The following GGA2 variants were observed in gnomAD, a reference collection of about 807,000 sequenced individuals.
The protein encoded by GGA2 is ADP-ribosylation factor-binding protein GGA2.
A neutral mutation model predicts 79.5 loss-of-function variants in GGA2; 48 were observed. That is an observed-to-expected ratio of 0.60 (90% confidence interval 0.48 to 0.77). The LOEUF (loss-of-function observed/expected upper bound fraction) is 0.77, where lower values mean the gene tolerates loss of function less well. GGA2 is among the 30% of genes least tolerant of loss of function. The pLI is 0.00. For synonymous variants in GGA2, 317 were observed against 302.0 expected (o/e 1.05, Z -0.51); for missense variants, 770 against 774.0 (o/e 0.99, Z 0.06).
intron 1 of GGA2, among the ~76,000 whole-genome samples, chr16:23,506,716 C>T (rs1460621446): frequency 1.3e-5 from 2 of 152,216 alleles, no homozygotes; most frequent in Non-Finnish European, 2.9e-5. Flanking sequence ...CGGTTTGCCT[C>T]ACCAGCCACT....
intron 13 of GGA2, among the ~76,000 whole-genome samples, chr16:23,476,839 A>AC (rs1964581717): frequency 6.6e-6 from 1 of 152,218 alleles, no homozygotes. Context: ...AACGGCAAAA[A>AC]CCTCATGTTC....
chr16:23,486,379 G>A (rs892538488), intron 7 of GGA2, among the ~76,000 whole-genome samples: 2 of 152,220 alleles, frequency 1.3e-5, no homozygotes, highest in Admixed American at 6.5e-5. Context: ...CTGCCTTTGT[G>A]CCACCAGCCT....
chr16:23,507,563 C>T lies in GGA2; in HGVS notation c.91+2758G>A, dbSNP rs1029198038. ...GAATTGCTTGAACCTGGGAGGCGGA[C>T]GTTGCAGTGAGCTGAGATCGTGCCA... On this transcript the variant is annotated intron_variant, in intron 1 of 16. Transcript: ENST00000309859. Among the ~76,000 whole-genome samples, 9 of 146,880 alleles carry T rather than the reference C, an allele frequency of 6.1e-5. No homozygotes were observed. The East Asian group carries it at 1.2e-3, about 20-fold the overall frequency.
chr16:23,524,035 T>C, upstream of GGA2: 2 of 236,582 alleles, frequency 8.5e-6, no homozygotes, highest in Admixed American at 5.3e-5. Context: ...ATGGGGGCCC[T>C]AGCAAACTGA....
Position 23,495,798 on chromosome 16 carries a change from G to C in GGA2, c.92-20C>G, listed in dbSNP as rs987608546. On this transcript the variant is annotated intron_variant, in intron 1 of 16. Transcript: ENST00000309859. Reference sequence around the variant, plus strand: ...CTTTGTCTGTCAAATAAATAATAAAGTTAGAGAGTACATAATAGGAAGAAA... The same window carrying C: ...CTTTGTCTGTCAAATAAATAATAAACTTAGAGAGTACATAATAGGAAGAAA... 6.5e-6 allele frequency: 10 copies of C among 1,541,882 alleles called. No homozygotes were observed. The highest frequency in any genetic ancestry group is 9.0e-6 in the Non-Finnish European group (10 of 1,116,734).
chr16:23,480,720 T>C lies in GGA2; in HGVS notation c.931A>G (p.Lys311Glu). 5.6e-6 allele frequency: 9 copies of C among 1,613,454 alleles called. No individual in the cohort carries two copies. Among genetic ancestry groups the C allele is most frequent in the Non-Finnish European group, 7.6e-6 (9 of 1,179,328 alleles). ...GTGACCCGGCCCTCCATCACCTGTT[T>C]GTACAGCAGAACTCCTTGGGTGAGG... ...DLLTQGVLLY[K>E]QVMEGRVTFG... The change falls in exon 10 of 17, where the codon AAA becomes GAA. Residue 311 changes from lysine (K) to glutamate (E), a missense_variant. By Grantham distance (56) the Lys-to-Glu change is moderately conservative. Transcript: ENST00000309859.
chr16:23,479,646 T>C, intron 11 of GGA2, 119 bp downstream of exon 11: 2 of 1,185,298 alleles, frequency 1.7e-6, no homozygotes, highest in Non-Finnish European at 2.4e-6. Context: ...CAGCTCACTC[T>C]TCCTATTCAC....
chr16:23,517,186 A>C (rs1276656259), intron 2 of GGA2, among the ~76,000 whole-genome samples: 1 of 152,040 alleles, frequency 6.6e-6, no homozygotes, highest in African/African-American at 2.4e-5. Flanking sequence ...CCTCCCTAGT[A>C]GGTGGGACTA....
upstream of GGA2, chr16:23,524,112 T>G: frequency 1.8e-6 from 1 of 545,818 alleles, no homozygotes; most frequent in Non-Finnish European, 3.3e-6. Context: ...ACCTCTGCTG[T>G]GTAATGTGTG....
At position 23,474,926 on chromosome 16, in the gene GGA2, G is replaced by A; in HGVS notation, c.1428C>T (p.Val476=). 1.9e-6 allele frequency: 3 copies of A among 1,613,098 alleles called. No individual in the cohort carries two copies. The highest frequency in any genetic ancestry group is 2.5e-6 in the Non-Finnish European group (3 of 1,179,152). The change falls in exon 14 of 17, where the codon GTC becomes GTT. Residue 476 remains valine, a synonymous_variant. Transcript: ENST00000309859. ...SQNTPLAQVF[V]PLESVKPSSL... is the part of the protein sequence containing the mutation. ...TACTGGGCTTAACAGACTCCAAAGG[G>A]ACAAACACTTGAGCCAGAGGTGTAT...
chr16:23,508,316 T>C (rs1964998307), intron 1 of GGA2, among the ~76,000 whole-genome samples: 1 of 152,168 alleles, frequency 6.6e-6, no homozygotes, highest in Admixed American at 6.5e-5. Flanking sequence ...TTGGCCCACC[T>C]CAGCCTCCCA....
At chr16:23,521,241 T>C (rs1965139658) in intron 1 of GGA2, among the ~76,000 whole-genome samples, 1 of 152,208 alleles carries the variant, frequency 6.6e-6, no homozygotes. Flanking sequence ...TAACTACATC[T>C]TGCAAAACTG....
chr16:23,516,955 C>A (rs1474704663), intron 2 of GGA2, among the ~76,000 whole-genome samples: 1 of 150,502 alleles, frequency 6.6e-6, no homozygotes, highest in African/African-American at 2.5e-5. Context: ...ATGCTGTGGC[C>A]AGGAGGGTGG....
At chr16:23,473,588 A>G (rs1283008088) in intron 14 of GGA2, among the ~76,000 whole-genome samples, 2 of 151,992 alleles carry the variant, frequency 1.3e-5, no homozygotes, top group East Asian at 3.8e-4. Context: ...TTGGCCTCCC[A>G]AAGTGCTGGG....
intron 4 of GGA2, 109 bp from the exon 5 acceptor site, chr16:23,491,909 G>C (rs1159321547): frequency 7.2e-6 from 5 of 698,004 alleles, no homozygotes; most frequent in Non-Finnish European, 7.3e-6. Flanking sequence ...TCCCAGGCGC[G>C]GTATGAGTGT....
At chr16:23,496,443 CAG>C (rs1463380544) in intron 1 of GGA2, among the ~76,000 whole-genome samples, 4 of 151,948 alleles carry the variant, frequency 2.6e-5, no homozygotes. Context: ...CAAGCGGAGA[CAG>C]AAGAGAGGCC....
At chr16:23,492,492 C>T (rs145952886) in intron 4 of GGA2, among the ~76,000 whole-genome samples, 1 of 152,218 alleles carries the variant, frequency 6.6e-6, no homozygotes, top group East Asian at 1.9e-4. Flanking sequence ...ACAAAAAAAC[C>T]TCAGATGAAA....
rs191836922 is a variant in GGA2, at chr16:23,475,437, G to A, written c.1293-376C>T. Among the ~76,000 whole-genome samples the A allele has an allele frequency of 6.3e-3, 951 of 151,622 alleles. 15 individuals carry two copies. Among genetic ancestry groups the A allele is most frequent in the African/African-American group, 0.021 (881 of 41,380 alleles). ...ACTCTTGACCTCAGGTGATCCGTCC[G>A]CCTCGGCCTCCCAAAGTGCTGGGAT... is the stretch of plus-strand genomic sequence containing the variant. On this transcript the variant is annotated intron_variant, in intron 13 of 16. Coordinates refer to ENST00000309859, the MANE Select transcript of GGA2 (RefSeq NM_015044.4).
intron 6 of GGA2, 112 bp downstream of exon 6, chr16:23,488,494 G>T: frequency 1.3e-6 from 1 of 744,388 alleles, no homozygotes; most frequent in Non-Finnish European, 2.4e-6. Context: ...TGTCTGGAGA[G>T]GAGAACCCAT....
Sources: allele counts gnomAD v4.1 joint callset (sites outside exome capture counted in the v4.1 genomes callset), GRCh38; gene constraint gnomAD v4.1.1; transcripts MANE v1.5; gene names NCBI Gene and HGNC (gene_info 2026-07-23, HGNC 2026-07-21).